The following ITGA8 variants were observed in gnomAD, a reference collection of about 807,000 sequenced individuals.
ITGA8 encodes integrin subunit alpha 8.
In ITGA8, 91 loss-of-function variants were observed where a neutral mutation model predicts 142.3. That is an observed-to-expected ratio of 0.64 (90% confidence interval 0.54 to 0.76). ITGA8 has a LOEUF of 0.76. Among genes scored for constraint, ITGA8 ranks in the 30% least tolerant of loss-of-function variants. The pLI is 0.00. For missense variants in ITGA8, 1,406 were observed against 1,327.7 expected (o/e 1.06, Z -0.92); for synonymous variants, 505 against 485.2 (o/e 1.04, Z -0.54).
At chr10:15,552,481 A>G (rs1202068230) in intron 26 of ITGA8, among the ~76,000 whole-genome samples, 1 of 152,202 alleles carries the variant, frequency 6.6e-6, no homozygotes. Context: ...ATGTTTGGAC[A>G]TTGGTTTTTC....
intron 27 of ITGA8, among the ~76,000 whole-genome samples, chr10:15,541,493 C>T (rs1223893788): frequency 3.3e-5 from 5 of 152,186 alleles, no homozygotes; most frequent in East Asian, 3.9e-4. Flanking sequence ...CTGAGCTACT[C>T]GCCTTAGGCC....
chr10:15,580,126 T>A (rs1834379173), intron 23 of ITGA8, among the ~76,000 whole-genome samples: 9 of 108,896 alleles, frequency 8.3e-5, no homozygotes, highest in African/African-American at 1.1e-4. Context: ...TCAGAAAATG[T>A]AAAAAAAAAA....
At chr10:15,560,095 C>A (rs369857271) in intron 25 of ITGA8, among the ~76,000 whole-genome samples, 2 of 151,820 alleles carry the variant, frequency 1.3e-5, no homozygotes, top group South Asian at 2.1e-4. Context: ...CCAGACTGGG[C>A]AACATAGTGA....
intron 29 of ITGA8, among the ~76,000 whole-genome samples, chr10:15,518,204 C>G (rs1236966179): frequency 6.6e-6 from 1 of 152,164 alleles, no homozygotes; most frequent in Admixed American, 6.5e-5. Context: ...TTCCTAGACA[C>G]CTGGAACCTC....
At chr10:15,565,377 T>C (rs115051317) in intron 25 of ITGA8, among the ~76,000 whole-genome samples, 228 of 152,106 alleles carry the variant, frequency 1.5e-3, no homozygotes, top group African/African-American at 5.4e-3. Flanking sequence ...TGTTTTGTTT[T>C]GTTCTGTTTT....
intron 2 of ITGA8, among the ~76,000 whole-genome samples, chr10:15,695,412 A>G (rs192246743): frequency 5.1e-4 from 77 of 152,324 alleles, no homozygotes; most frequent in African/African-American, 1.7e-3. Context: ...AAAATTTCAA[A>G]TAAGTAAGAT....
At chr10:15,684,678 A>T (rs1281498454) in intron 3 of ITGA8, among the ~76,000 whole-genome samples, 1 of 85,248 alleles carries the variant, frequency 1.2e-5, no homozygotes, top group Admixed American at 1.6e-4. Flanking sequence ...TAGGCCCCAT[A>T]GAAATTAAAT....
Position 15,606,120 on chromosome 10 carries a change from C to T in ITGA8, c.1902+165G>A, listed in dbSNP as rs112416421. ...CAAGAGGAAAGGCTTCCGAAAAACACAATCATGCAGTGTTTCAGGAAACAT... is the reference window on the plus strand; with the variant it reads ...CAAGAGGAAAGGCTTCCGAAAAACATAATCATGCAGTGTTTCAGGAAACAT... On this transcript the variant is annotated intron_variant, in intron 18 of 29. Coordinates refer to ENST00000378076, the MANE Select transcript of ITGA8 (RefSeq NM_003638.3). Among the ~76,000 whole-genome samples the T allele has an allele frequency of 3.1e-3, 477 of 152,244 alleles. 4 individuals carry two copies. Among genetic ancestry groups the T allele is most frequent in the African/African-American group, 0.011 (457 of 41,558 alleles).
intron 25 of ITGA8, among the ~76,000 whole-genome samples, chr10:15,563,209 A>G (rs944339613): frequency 2.6e-5 from 4 of 152,196 alleles, no homozygotes; most frequent in African/African-American, 9.7e-5. Context: ...CCGTGAGCCA[A>G]TTAAACCTCT....
chr10:15,604,231 C>A lies in ITGA8; in HGVS notation c.2095G>T (p.Val699Phe). ...ACCTTGTTGTTGCGTTCGATTCCAA[C>A]ATAATCTGCCTCTTCTGGTATCATT... Reference protein sequence around the residue: ...FVMIPEEADYVGIERNNKGFR... With the variant: ...FVMIPEEADYFGIERNNKGFR... Residue 699 changes from valine to phenylalanine, a missense_variant, in exon 20 of 30, where the codon GTT (valine) becomes TTT (phenylalanine). Transcript: ENST00000378076. The A allele has an allele frequency of 6.2e-7, 1 of 1,611,630 alleles. No individual in the cohort carries two copies. The highest frequency in any genetic ancestry group is 8.5e-7 in the Non-Finnish European group (1 of 1,179,250).
rs376348536 is a variant in ITGA8 at position 15,626,341 on chromosome 10, C to T, written c.1400-9782G>A. ...GTTCAAGCAATTCTCCTGCCTTAGC[C>T]TCCTGAGCAGCTGGGATTATAGGCA... On this transcript the variant is annotated intron_variant, in intron 13 of 29. Transcript: ENST00000378076. Among the ~76,000 whole-genome samples the T allele has an allele frequency of 2.2e-4, 33 of 152,288 alleles. No homozygotes were observed. The East Asian group carries it at 5.0e-3, about 23-fold the overall frequency.
At chr10:15,677,679 A>C in intron 5 of ITGA8, 42 bp from the exon 6 acceptor site, 2 of 1,573,532 alleles carry the variant, frequency 1.3e-6, no homozygotes, top group Non-Finnish European at 1.7e-6. Context: ...ATTGGAAAAG[A>C]AATACTAAAC....
At position 15,586,623 on chromosome 10, in the gene ITGA8, TGC is replaced by T; in HGVS notation, c.2331_2332del (p.Gln778AsnfsTer26). ...CTGCGCTACAGCAGTGATGTTGATT[TGC>T]AGGCTCACAAAATTGCTGTCTGGAT... On this transcript the variant is annotated frameshift_variant, in exon 23 of 30. Coordinates refer to ENST00000378076, the MANE Select transcript of ITGA8 (RefSeq NM_003638.3). LOFTEE classifies it high-confidence loss of function. 6.2e-7 allele frequency: 1 copy of T among 1,613,562 alleles called. No individual in the cohort carries two copies. The highest frequency in any genetic ancestry group is 8.5e-7 in the Non-Finnish European group (1 of 1,179,524).
chr10:15,715,670 T>A (rs1835437187), intron 2 of ITGA8, among the ~76,000 whole-genome samples: 2 of 152,256 alleles, frequency 1.3e-5, no homozygotes, highest in Non-Finnish European at 2.9e-5. Flanking sequence ...GGGATGCCTC[T>A]GGCAACACTG....
At chr10:15,662,032 G>A (rs1180333421) in intron 8 of ITGA8, among the ~76,000 whole-genome samples, 1 of 152,124 alleles carries the variant, frequency 6.6e-6, no homozygotes, top group Admixed American at 6.6e-5. Flanking sequence ...GAGAAACATG[G>A]CAACCACAAC....
At chr10:15,607,429 G>A (rs1004453608) in intron 17 of ITGA8, among the ~76,000 whole-genome samples, 5 of 152,100 alleles carry the variant, frequency 3.3e-5, no homozygotes, top group African/African-American at 1.2e-4. Context: ...CATGTGAGCT[G>A]AATGCCATTA....
At chr10:15,630,640 G>A (rs1457901903) in intron 13 of ITGA8, among the ~76,000 whole-genome samples, 1 of 152,010 alleles carries the variant, frequency 6.6e-6, no homozygotes. Flanking sequence ...CCAGGGCACA[G>A]AGAGACTCTG....
Position 15,575,566 on chromosome 10 carries a change from G to A in ITGA8, c.2401C>T (p.Pro801Ser), listed in dbSNP as rs776361078. 3 of 1,613,896 alleles carry A rather than the reference G, an allele frequency of 1.9e-6. No individual in the cohort carries two copies. The highest frequency in any genetic ancestry group is 1.1e-5 in the South Asian group (1 of 91,080). ...GVSHPPQIVL[P>S]IHNWEPEEEP... The stretch of plus-strand genomic sequence containing the variant: ...TCTTCTGGTTCCCAGTTATGAATGG[G>A]CAGAACAATCTGCGGAGGGTGTGAC... The change falls in exon 24 of 30, where the codon CCC becomes TCC. Residue 801 changes from proline (P) to serine (S), a missense_variant. Physicochemically the swap from Pro to Ser is moderately conservative, Grantham distance 74 (BLOSUM62 -1). Transcript: ENST00000378076.
intron 23 of ITGA8, among the ~76,000 whole-genome samples, chr10:15,582,018 T>C (rs1834417627): frequency 6.6e-6 from 1 of 152,174 alleles, no homozygotes; most frequent in African/African-American, 2.4e-5. Flanking sequence ...GCAGGAAGAT[T>C]GCTTGAGGCC....
Sources: gnomAD v4.1 joint callset for allele counts (sites outside exome capture counted in the v4.1 genomes callset) on GRCh38, gnomAD v4.1.1 for gene constraint, MANE v1.5 for transcripts, NCBI Gene and HGNC (gene_info 2026-07-23, HGNC 2026-07-21) for gene names.